COL5A1: variants seen among roughly 807,000 people sequenced by gnomAD.
The protein encoded by COL5A1 is collagen type V alpha 1 chain, also known as collagen alpha-1(V) chain.
Under a neutral mutation model 263.7 loss-of-function variants are expected in COL5A1, and 16 were observed. That is an observed-to-expected ratio of 0.06 (90% CI 0.04 to 0.09). COL5A1 has a LOEUF of 0.09. COL5A1 is among the 10% of genes least tolerant of loss of function. COL5A1 has a pLI of 1.00. For missense variants in COL5A1, 2,036 were observed against 2,540.5 expected, an observed-to-expected ratio of 0.80 and a Z score of 4.27; for synonymous variants, 1,012 against 1,004.5, an observed-to-expected ratio of 1.01 and a Z score of -0.14.
At chr9:134,689,911 T>C (rs1293779898) in intron 1 of COL5A1, among the ~76,000 whole-genome samples, 2 of 152,206 alleles carry the variant, frequency 1.3e-5, no homozygotes, top group Non-Finnish European at 2.9e-5. Flanking sequence ...AGCCTCTTGC[T>C]CGTGGGCACA....
At chr9:134,826,679 G>GGTGGATGGGTGT (rs1219849620) in intron 63 of COL5A1, among the ~76,000 whole-genome samples, 2 of 144,374 alleles carry the variant, frequency 1.4e-5, no homozygotes, top group Non-Finnish European at 3.0e-5. Context: ...GTGTATGGGT[G>GGTGGATGGGTGT]GTGGATGGGT....
rs11386016 is a variant in COL5A1 at position 134,752,419 on chromosome 9, CG to C, written c.1663-158del. Among the ~76,000 whole-genome samples, 86,321 of 138,774 alleles carry C rather than the reference CG, an allele frequency of 0.62. 26,909 individuals are homozygous for C. The highest frequency in any genetic ancestry group is 0.68 in the Admixed American group (9,620 of 14,120). The allele number at this position is 138,774 out of a possible 152,430, so 91.0% of individuals were successfully genotyped here. ...TGGATGCTGAGAGCCCCATCGAAGT[CG>C]GGGGGGGGGGGCCCTTGGGGAGTCA... On this transcript the variant is annotated intron_variant, in intron 13 of 65. Transcript: ENST00000371817.
chr9:134,669,544 C>G (rs1832478218), intron 1 of COL5A1, among the ~76,000 whole-genome samples: 1 of 152,002 alleles, frequency 6.6e-6, no homozygotes, highest in Non-Finnish European at 1.5e-5. Flanking sequence ...GAGTGGCTAA[C>G]TTACTAGTTT....
intron 19 of COL5A1, among the ~76,000 whole-genome samples, chr9:134,763,029 G>T (rs890368579): frequency 2.0e-5 from 3 of 152,144 alleles, no homozygotes; most frequent in Admixed American, 6.5e-5. Flanking sequence ...CATGCACAGG[G>T]TGTATGTGTG....
At chr9:134,685,186 T>TCCA (rs1564386060) in intron 1 of COL5A1, among the ~76,000 whole-genome samples, 10 of 3,542 alleles carry the variant, frequency 2.8e-3, no homozygotes, top group East Asian at 0.011. Flanking sequence ...TCATTCATCC[T>TCCA]TCCATCTGTC....
chr9:134,666,271 C>G (rs530267101), intron 1 of COL5A1, among the ~76,000 whole-genome samples: 1 of 152,154 alleles, frequency 6.6e-6, no homozygotes, highest in East Asian at 1.9e-4. Flanking sequence ...AGGTGGGGAA[C>G]CTGAGGCTGG....
At chr9:134,662,074 A>G (rs1054227938) in intron 1 of COL5A1, among the ~76,000 whole-genome samples, 2 of 151,804 alleles carry the variant, frequency 1.3e-5, no homozygotes, top group Non-Finnish European at 2.9e-5. Context: ...TTTAAGCCCA[A>G]ATGAAATTAC....
At chr9:134,739,137 C>T (rs1292536535) in intron 11 of COL5A1, among the ~76,000 whole-genome samples, 1 of 152,238 alleles carries the variant, frequency 6.6e-6, no homozygotes, top group African/African-American at 2.4e-5. Flanking sequence ...TTTCCCACTC[C>T]TCGCCCCTGG....
chr9:134,675,193 A>G (rs1832653990), intron 1 of COL5A1, among the ~76,000 whole-genome samples: 1 of 152,172 alleles, frequency 6.6e-6, no homozygotes, highest in African/African-American at 2.4e-5. Flanking sequence ...AAGCATTTGT[A>G]TTCATCTCAA....
chr9:134,699,634 G>A (rs1442972321), intron 2 of COL5A1, among the ~76,000 whole-genome samples: 1 of 152,196 alleles, frequency 6.6e-6, no homozygotes, highest in Non-Finnish European at 1.5e-5. Flanking sequence ...CTGAGGGCAG[G>A]GTGTTGAGGG....
rs1441777358 is a variant in COL5A1, at chr9:134,652,690, G to A, written c.109+10394G>A. The A allele has an allele frequency of 2.1e-6, 1 of 470,784 alleles. No individual in the cohort carries two copies. The highest frequency in any genetic ancestry group is 4.4e-6 in the Non-Finnish European group (1 of 226,960). 29.2% of individuals were successfully genotyped at this position (470,784 alleles called of 1,614,324 possible). A position where few individuals can be genotyped will look rare whatever the true frequency, so the allele number is the denominator to read the frequency against. ...ATCGTGGGATAGAGGAAGCAAAGGT[G>A]AGATTCCGTGGCCTCACCCCATGGT... On this transcript the variant is annotated intron_variant, in intron 1 of 65. Coordinates refer to ENST00000371817, the MANE Select transcript of COL5A1 (RefSeq NM_000093.5). This position sits in a 1 kb window ranked among gnomAD's most constrained non-coding sequence, Gnocchi z 4.4.
At chr9:134,695,756 A>AGGGAATG (rs988466226) in intron 2 of COL5A1, among the ~76,000 whole-genome samples, 3 of 152,190 alleles carry the variant, frequency 2.0e-5, no homozygotes, top group African/African-American at 7.2e-5. Flanking sequence ...AGTCCAGCCC[A>AGGGAATG]GGGAATGTAA....
chr9:134,649,272 C>T, intron 1 of COL5A1: 1 of 335,704 alleles, frequency 3.0e-6, no homozygotes, highest in East Asian at 8.2e-5. Flanking sequence ...AGCTTCCTAT[C>T]AGCAGAGGAG....
At position 134,826,648 on chromosome 9, in the gene COL5A1, A is replaced by G. The variant is rs549747837; in HGVS notation, c.5067+744A>G. ...TGGCATGTGGATGATGTGTGGGTGC[A>G]TGTGGCTGGTGGATGGGTGTGTGTA... is the stretch of plus-strand genomic sequence containing the variant. On this transcript the variant is annotated intron_variant, in intron 63 of 65. Coordinates refer to ENST00000371817, the MANE Select transcript of COL5A1 (RefSeq NM_000093.5). Among the ~76,000 whole-genome samples the G allele has an allele frequency of 5.0e-3, 510 of 101,320 alleles. 1 individual carries two copies. The highest frequency in any genetic ancestry group is 6.6e-3 in the Non-Finnish European group (364 of 55,206). The allele number at this position is 101,320 out of a possible 152,430, so 66.5% of individuals were successfully genotyped here.
At position 134,841,079 on chromosome 9, in the gene COL5A1, T is replaced by C. The variant is rs746577996; in HGVS notation, c.5371-1078T>C. Among the ~76,000 whole-genome samples the C allele has an allele frequency of 3.3e-5, 5 of 152,166 alleles. No homozygotes were observed. Among genetic ancestry groups the C allele is most frequent in the African/African-American group, 7.2e-5 (3 of 41,450 alleles). On this transcript the variant is annotated intron_variant, in intron 65 of 65. Transcript: ENST00000371817. This position sits in a 1 kb window ranked among gnomAD's most constrained non-coding sequence, Gnocchi z 4.8. ...TGCATCCTGGGGTCACTGCCTCCCA[T>C]CCGGGAGGGAACCCTGGCTGGCCCC...
chr9:134,766,351 C>T (rs542578589), intron 21 of COL5A1, 103 bp from the exon 22 acceptor site: 38 of 1,137,706 alleles, frequency 3.3e-5, no homozygotes, highest in Non-Finnish European at 4.5e-5. Context: ...TCTGATTCGT[C>T]GTGGGATGGG....
chr9:134,823,544 G>C, intron 61 of COL5A1, 75 bp downstream of exon 61: 1 of 1,490,224 alleles, frequency 6.7e-7, no homozygotes, highest in Admixed American at 1.7e-5. Context: ...AAGCAACTGT[G>C]TGTGTGTGAC....
chr9:134,727,917 G>A (rs1276262817), intron 5 of COL5A1, among the ~76,000 whole-genome samples: 2 of 152,108 alleles, frequency 1.3e-5, no homozygotes, highest in East Asian at 1.9e-4. Context: ...TCCCCCTCCC[G>A]CTGCACACCC....
Position 134,809,296 on chromosome 9 carries a change from G to A in COL5A1, c.3474+6G>A, listed in dbSNP as rs959818554. ...CTGGAGAAGACGGAGATAAGGTAAG[G>A]CAAATCCAGAGTGACCCATGGCTGG... On this transcript the variant is annotated splice_donor_region_variant and intron_variant, in intron 43 of 65. Coordinates refer to ENST00000371817, the MANE Select transcript of COL5A1 (RefSeq NM_000093.5). 3.7e-6 allele frequency: 6 copies of A among 1,603,168 alleles called. No individual in the cohort carries two copies. In the African/African-American group the frequency reaches 8.0e-5, roughly 21 times the overall value.
Sources: allele counts gnomAD v4.1 joint callset (sites outside exome capture counted in the v4.1 genomes callset), GRCh38; gene constraint gnomAD v4.1.1; non-coding constraint Gnocchi (gnomAD v3.1); transcripts MANE v1.5; gene names NCBI Gene and HGNC (gene_info 2026-07-23, HGNC 2026-07-21).